SEL1L2: variants seen among roughly 807,000 people sequenced by gnomAD.
SEL1L2 encodes the protein SEL1L2 adaptor subunit of SYVN1 ubiquitin ligase.
Under a neutral mutation model 98.8 loss-of-function variants are expected in SEL1L2, and 89 were observed. The ratio of observed to expected loss-of-function variants is 0.90; its 90% CI spans 0.76 to 1.07. The LOEUF (loss-of-function observed/expected upper bound fraction) is 1.07, where lower values mean the gene tolerates loss of function less well. Among genes scored for constraint, SEL1L2 ranks in the 50% least tolerant of loss-of-function variants. SEL1L2 has a pLI of 0.00. For missense variants in SEL1L2, 788 were observed against 812.0 expected, an observed-to-expected ratio of 0.97 and a Z score of 0.36; for synonymous variants, 262 against 278.5, an observed-to-expected ratio of 0.94 and a Z score of 0.59.
intron 17 of SEL1L2, among the ~76,000 whole-genome samples, chr20:13,860,469 A>G (rs999181237): frequency 7.2e-5 from 11 of 152,154 alleles, no homozygotes; most frequent in Non-Finnish European, 1.6e-4. Context: ...TCTGAGCAGC[A>G]CTGGAGTGAT....
intron 18 of SEL1L2, among the ~76,000 whole-genome samples, chr20:13,856,687 A>G (rs1989222548): frequency 1.3e-5 from 2 of 152,196 alleles, no homozygotes; most frequent in South Asian, 4.1e-4. Flanking sequence ...TGAAAGACAG[A>G]TGATAAAAAT....
chr20:13,904,599 A>G (rs1377841072), intron 5 of SEL1L2, among the ~76,000 whole-genome samples: 1 of 152,060 alleles, frequency 6.6e-6, no homozygotes, highest in African/African-American at 2.4e-5. Context: ...TCTAATCTTA[A>G]ACATTCCTCT....
chr20:13,849,345 C>A lies in SEL1L2; in HGVS notation c.*140G>T. ...TGAAGTTGTTTCTCTAGGATGGTCC[C>A]CAAGTCTTGTCTGTTTCCCATCACA... is the stretch of plus-strand genomic sequence containing the variant. On this transcript the variant is annotated 3_prime_UTR_variant, in exon 20 of 20. Coordinates refer to ENST00000284951, the MANE Select transcript of SEL1L2 (RefSeq NM_025229.2). 9.0e-7 allele frequency: 1 copy of A among 1,111,114 alleles called. No individual in the cohort carries two copies. The highest frequency in any genetic ancestry group is 1.3e-6 in the Non-Finnish European group (1 of 769,270). The allele number at this position is 1,111,114 out of a possible 1,614,324, so 68.8% of individuals were successfully genotyped here.
At chr20:13,953,958 G>T (rs1318419149) in intron 2 of SEL1L2, among the ~76,000 whole-genome samples, 1 of 152,174 alleles carries the variant, frequency 6.6e-6, no homozygotes, top group African/African-American at 2.4e-5. Flanking sequence ...CTGTAATCAG[G>T]ATCATTCTTT....
intron 5 of SEL1L2, 44 bp downstream of exon 5, chr20:13,913,738 T>G (rs1317751169): frequency 6.9e-7 from 1 of 1,454,646 alleles, no homozygotes; most frequent in Non-Finnish European, 9.1e-7. Context: ...TATAGTTATT[T>G]CAGGATGGAG....
At chr20:13,931,232 C>T (rs1197875667) in intron 3 of SEL1L2, among the ~76,000 whole-genome samples, 3 of 151,482 alleles carry the variant, frequency 2.0e-5, no homozygotes, top group South Asian at 2.1e-4. Flanking sequence ...TTAGTAGAGA[C>T]GGGGTTTCAC....
rs1600474072 is a variant in SEL1L2 at position 13,859,241 on chromosome 20, A to C, written c.1818+21T>G. Reference sequence around the variant, plus strand: ...CACACAGCTGTCATTACTAGGTTTGAATTATTACCAGCAAAATTACCTTTG... The same window carrying C: ...CACACAGCTGTCATTACTAGGTTTGCATTATTACCAGCAAAATTACCTTTG... On this transcript the variant is annotated intron_variant, in intron 18 of 19. Transcript: ENST00000284951. 8 of 1,609,452 alleles carry C rather than the reference A, an allele frequency of 5.0e-6. No individual in the cohort carries two copies. The East Asian group carries it at 1.8e-4, about 36-fold the overall frequency.
intron 1 of SEL1L2, among the ~76,000 whole-genome samples, chr20:13,974,031 T>C (rs1342132929): frequency 3.9e-5 from 6 of 152,232 alleles, no homozygotes; most frequent in African/African-American, 1.4e-4. Context: ...AGGTCTCTTA[T>C]TATACTTCTC....
At chr20:13,911,464 G>GT (rs1169853231) in intron 5 of SEL1L2, among the ~76,000 whole-genome samples, 14 of 152,120 alleles carry the variant, frequency 9.2e-5, no homozygotes, top group African/African-American at 3.4e-4. Flanking sequence ...GTTATCTGTG[G>GT]TAACATTTGG....
intron 3 of SEL1L2, among the ~76,000 whole-genome samples, chr20:13,926,491 G>T (rs2048913143): frequency 6.6e-6 from 1 of 152,144 alleles, no homozygotes. Flanking sequence ...TGGCCTGTTA[G>T]AGTTGTCTCA....
chr20:13,893,496 A>C (rs980855325), intron 5 of SEL1L2, among the ~76,000 whole-genome samples: 1 of 152,232 alleles, frequency 6.6e-6, no homozygotes, highest in African/African-American at 2.4e-5. Flanking sequence ...TGCATCTAAG[A>C]GCAAAGCATC....
chr20:13,862,988 C>G (rs1395399993), intron 17 of SEL1L2, among the ~76,000 whole-genome samples: 2 of 152,126 alleles, frequency 1.3e-5, no homozygotes, highest in African/African-American at 4.8e-5. Context: ...TGAACCACTG[C>G]ACCTGGTCTA....
Position 13,876,033 on chromosome 20 carries a change from C to T in SEL1L2, c.1104+5G>A. ...TGTGTTTACAACAGTGCATTGAGGA[C>T]ATACCTTACTGGCTGCCATGGAAAA... On this transcript the variant is annotated splice_donor_5th_base_variant and intron_variant, in intron 12 of 19. Coordinates refer to ENST00000284951, the MANE Select transcript of SEL1L2 (RefSeq NM_025229.2). 6.2e-7 allele frequency: 1 copy of T among 1,609,904 alleles called. No homozygotes were observed. Among genetic ancestry groups the T allele is most frequent in the Non-Finnish European group, 8.5e-7 (1 of 1,176,134 alleles).
intron 1 of SEL1L2, among the ~76,000 whole-genome samples, chr20:13,984,162 C>G (rs778862502): frequency 1.3e-5 from 2 of 152,028 alleles, no homozygotes; most frequent in Non-Finnish European, 2.9e-5. Flanking sequence ...CAGGCACATG[C>G]CACCACGCCT....
At chr20:13,953,423 C>T (rs1401900154) in intron 2 of SEL1L2, among the ~76,000 whole-genome samples, 1 of 152,154 alleles carries the variant, frequency 6.6e-6, no homozygotes, top group Non-Finnish European at 1.5e-5. Flanking sequence ...CCCAGAACAG[C>T]GCCCCCTGTC....
chr20:13,973,012 A>G (rs1174485554), intron 1 of SEL1L2, among the ~76,000 whole-genome samples: 1 of 152,020 alleles, frequency 6.6e-6, no homozygotes, highest in Non-Finnish European at 1.5e-5. Flanking sequence ...TTGTATGGAT[A>G]TTGTAACGTT....
At chr20:13,932,261 G>T (rs1461315901) in intron 2 of SEL1L2, among the ~76,000 whole-genome samples, 2 of 151,964 alleles carry the variant, frequency 1.3e-5, no homozygotes, top group South Asian at 2.1e-4. Context: ...TTTAAGTAGG[G>T]TAATAGTTTT....
chr20:13,877,392 C>T (rs1032947911), intron 11 of SEL1L2, 128 bp downstream of exon 11: 3 of 647,356 alleles, frequency 4.6e-6, no homozygotes, highest in Non-Finnish European at 2.7e-6. Flanking sequence ...AGGCTGGTTG[C>T]CTGTGCTCAA....
intron 3 of SEL1L2, among the ~76,000 whole-genome samples, chr20:13,920,096 C>T (rs138638689): frequency 4.6e-5 from 7 of 151,572 alleles, no homozygotes; most frequent in African/African-American, 9.7e-5. Flanking sequence ...TGGGCAGTGG[C>T]GTGCAGATGT....
Sources: allele counts gnomAD v4.1 joint callset (sites outside exome capture counted in the v4.1 genomes callset), GRCh38; gene constraint gnomAD v4.1.1; transcripts MANE v1.5; gene names NCBI Gene and HGNC (gene_info 2026-07-23, HGNC 2026-07-21).